DNAJC6: variants seen among roughly 807,000 people sequenced by gnomAD.
The protein encoded by DNAJC6 is auxilin.
In DNAJC6, 34 loss-of-function variants were observed where a neutral mutation model predicts 110.0. That is an observed-to-expected ratio of 0.31 (90% CI 0.24 to 0.41). The LOEUF (loss-of-function observed/expected upper bound fraction) is 0.41. Ranked by LOEUF, DNAJC6 falls within the 10% of genes least tolerant of loss-of-function variation. The probability of loss-of-function intolerance (pLI) is 1.00; values close to 1 mark genes in which losing one functional copy is unlikely to be tolerated. For synonymous variants in DNAJC6, 406 were observed against 437.2 expected (o/e 0.93, Z 0.89); for missense variants, 1,031 against 1,207.8 (o/e 0.85, Z 2.17).
At chr1:65,284,625 TAC>T (rs1653955113) in intron 1 of DNAJC6, among the ~76,000 whole-genome samples, 1 of 151,918 alleles carries the variant, frequency 6.6e-6, no homozygotes, top group Admixed American at 6.6e-5. Flanking sequence ...TTCTTCACAC[TAC>T]CCCTCAGTAG....
chr1:65,389,487 G>A (rs1645903850), intron 10 of DNAJC6, 38 bp downstream of exon 10: 1 of 1,613,532 alleles, frequency 6.2e-7, no homozygotes, highest in Admixed American at 1.7e-5. Flanking sequence ...TCAGGATGAA[G>A]CCTCTCTGTT....
intron 1 of DNAJC6, among the ~76,000 whole-genome samples, chr1:65,325,386 G>A (rs772373995): frequency 5.3e-5 from 8 of 152,244 alleles, no homozygotes; most frequent in Non-Finnish European, 8.8e-5. Context: ...TCTCTGCTGC[G>A]TGGGCTCAAA....
At chr1:65,327,462 G>A (rs1285555981) in intron 1 of DNAJC6, among the ~76,000 whole-genome samples, 1 of 152,130 alleles carries the variant, frequency 6.6e-6, no homozygotes, top group African/African-American at 2.4e-5. Context: ...GTGACTTAGA[G>A]CAAGGTTGGT....
intron 16 of DNAJC6, among the ~76,000 whole-genome samples, chr1:65,408,335 A>G (rs755137589): frequency 5.3e-5 from 8 of 152,228 alleles, no homozygotes; most frequent in Admixed American, 1.3e-4. Flanking sequence ...AGTTAGTTAT[A>G]ATCTGGAGGG....
At chr1:65,322,011 G>A (rs1645201592) in intron 1 of DNAJC6, among the ~76,000 whole-genome samples, 1 of 152,186 alleles carries the variant, frequency 6.6e-6, no homozygotes, top group African/African-American at 2.4e-5. Flanking sequence ...CTCCTAACAG[G>A]AGATAGGAGC....
chr1:65,266,001 C>A (rs1443220913), intron 1 of DNAJC6, among the ~76,000 whole-genome samples: 1 of 152,240 alleles, frequency 6.6e-6, no homozygotes, highest in African/African-American at 2.4e-5. Flanking sequence ...TTAAGGAGGC[C>A]CCGGCGCTTG....
Position 65,384,263 on chromosome 1 carries a change from G to T in DNAJC6, c.737G>T (p.Gly246Val). 1 of 1,587,916 alleles carries T rather than the reference G, an allele frequency of 6.3e-7. No homozygotes were observed. The highest frequency in any genetic ancestry group is 8.6e-7 in the Non-Finnish European group (1 of 1,168,826). Residue 246 changes from glycine (G) to valine (V), a missense_variant, in exon 6 of 19, where the codon GGC (glycine) becomes GTC (valine). By Grantham distance (109) the Gly-to-Val change is moderately radical. Transcript: ENST00000371069. ...FIFCNLYSTP[G>V]PAIRLLYAKR... ...TTCTGTAATCTCTACTCTACTCCTG[G>T]CCCAGCCATTCGATTGCTATATGCA...
At chr1:65,397,432 C>A (rs1241937370) in intron 13 of DNAJC6, among the ~76,000 whole-genome samples, 1 of 152,148 alleles carries the variant, frequency 6.6e-6, no homozygotes, top group Non-Finnish European at 1.5e-5. Context: ...AATAAATAAT[C>A]ATAATAAAAG....
chr1:65,367,821 T>C (rs974225666), intron 4 of DNAJC6, among the ~76,000 whole-genome samples: 2 of 151,672 alleles, frequency 1.3e-5, no homozygotes, highest in Non-Finnish European at 1.5e-5. Flanking sequence ...AGAGATTACA[T>C]ATTAAACACC....
rs1303988269 is a variant in DNAJC6 at position 65,396,485 on chromosome 1, T to C, written c.2038+1453T>C. On this transcript the variant is annotated intron_variant, in intron 13 of 18. Coordinates refer to ENST00000371069, the MANE Select transcript of DNAJC6 (RefSeq NM_001256864.2). Reference sequence around the variant, plus strand: ...CTGCATTCCAGCTGTACTGGCCTCTTTGCTGTTGCACTGGCTGTTTCCTCT... The same window carrying C: ...CTGCATTCCAGCTGTACTGGCCTCTCTGCTGTTGCACTGGCTGTTTCCTCT... Among the ~76,000 whole-genome samples, 5 of 152,162 alleles carry C rather than the reference T, an allele frequency of 3.3e-5. No individual in the cohort carries two copies. The East Asian group carries it at 9.6e-4, about 29-fold the overall frequency.
At chr1:65,307,016 C>A (rs199758341), upstream of DNAJC6, among the ~76,000 whole-genome samples, 19,863 of 70,082 alleles carry the variant, frequency 0.28, 1,963 homozygotes, top group African/African-American at 0.38. Context: ...CTCTCTCTCT[C>A]TCTATATATA....
intron 14 of DNAJC6, among the ~76,000 whole-genome samples, chr1:65,400,531 T>G (rs1646021329): frequency 6.6e-6 from 1 of 152,180 alleles, no homozygotes; most frequent in African/African-American, 2.4e-5. Flanking sequence ...TACTCTTTAT[T>G]TCTATGAGAC....
At chr1:65,411,728 G>T (rs192356765) in intron 18 of DNAJC6, among the ~76,000 whole-genome samples, 47 of 48,230 alleles carry the variant, frequency 9.7e-4, no homozygotes, top group African/African-American at 2.9e-3. Context: ...CAGCACTTTG[G>T]GGGGGGCAGG....
intron 1 of DNAJC6, among the ~76,000 whole-genome samples, chr1:65,355,791 T>C (rs1367385800): frequency 6.6e-6 from 1 of 151,762 alleles, no homozygotes; most frequent in African/African-American, 2.4e-5. Context: ...GGCCATAGCT[T>C]GGATACACCA....
At chr1:65,409,639 G>A (rs1317692781) in intron 17 of DNAJC6, among the ~76,000 whole-genome samples, 1 of 152,142 alleles carries the variant, frequency 6.6e-6, no homozygotes, top group Non-Finnish European at 1.5e-5. Flanking sequence ...AAATATTTAT[G>A]TACCTGAGAC....
chr1:65,413,085 T>A lies in DNAJC6; in HGVS notation c.*60T>A. On this transcript the variant is annotated 3_prime_UTR_variant, in exon 19 of 19. Coordinates refer to ENST00000371069, the MANE Select transcript of DNAJC6 (RefSeq NM_001256864.2). ...GCTAATGCTTAGTGTGTGTCACAAT[T>A]CTGAGGTTTTCGCAGATGAACCAAA... 1.3e-6 allele frequency: 2 copies of A among 1,500,924 alleles called. No individual in the cohort carries two copies. Among genetic ancestry groups the A allele is most frequent in the Non-Finnish European group, 1.8e-6 (2 of 1,093,524 alleles). The allele number at this position is 1,500,924 out of a possible 1,614,324, so 93.0% of individuals were successfully genotyped here. A position where few individuals can be genotyped will look rare whatever the true frequency, so the allele number is the denominator to read the frequency against.
chr1:65,390,923 CT>C (rs1360375386), intron 11 of DNAJC6, among the ~76,000 whole-genome samples: 1 of 152,106 alleles, frequency 6.6e-6, no homozygotes, highest in Non-Finnish European at 1.5e-5. Context: ...TTTAATACAA[CT>C]TCACTCTTTC....
intron 4 of DNAJC6, 134 bp from the exon 5 acceptor site, chr1:65,379,268 C>A: frequency 9.4e-7 from 1 of 1,062,084 alleles, no homozygotes; most frequent in Non-Finnish European, 1.3e-6. Flanking sequence ...GCATTTGGAC[C>A]CTGTTCCCAC....
intron 1 of DNAJC6, among the ~76,000 whole-genome samples, chr1:65,295,603 C>T (rs930516312): frequency 4.6e-5 from 7 of 152,118 alleles, no homozygotes; most frequent in African/African-American, 1.4e-4. Context: ...TATGTACAGC[C>T]AATCAGTAGG....
Sources: allele counts gnomAD v4.1 joint callset (sites outside exome capture counted in the v4.1 genomes callset), GRCh38; gene constraint gnomAD v4.1.1; transcripts MANE v1.5; gene names NCBI Gene and HGNC (gene_info 2026-07-23, HGNC 2026-07-21).